Variants in JAM2 observed in about 807,000 individuals in gnomAD.
The protein encoded by JAM2 is junctional adhesion molecule B.
Under a neutral mutation model 42.0 loss-of-function variants are expected in JAM2, and 17 were observed. The ratio of observed to expected loss-of-function variants is 0.40; its 90% CI spans 0.28 to 0.61. JAM2 has a LOEUF of 0.61. Among genes scored for constraint, JAM2 ranks in the 20% least tolerant of loss-of-function variants. The pLI is 0.37. For synonymous variants in JAM2, 118 were observed against 128.6 expected (o/e 0.92, Z 0.56); for missense variants, 319 against 358.3 (o/e 0.89, Z 0.89).
intron 1 of JAM2, among the ~76,000 whole-genome samples, chr21:25,680,947 G>A (rs2033617430): frequency 1.3e-5 from 2 of 152,166 alleles, no homozygotes; most frequent in African/African-American, 4.8e-5. Flanking sequence ...AGAGTCACAT[G>A]TCATAGAGAG....
chr21:25,642,426 A>C (rs1255781356), intron 1 of JAM2, among the ~76,000 whole-genome samples: 1 of 152,128 alleles, frequency 6.6e-6, no homozygotes, highest in Non-Finnish European at 1.5e-5. Context: ...TGGATTTCTT[A>C]TGCTGTTATT....
At position 25,716,251 on chromosome 21, in the gene JAM2, C is replaced by T. The variant is rs2034479067; in HGVS notation, c.*1579C>T. ...CCTCAAATGATCCACCCCCATCAGC[C>T]TCCCAAAGTGCTGGGATTATAGGCA... is the stretch of plus-strand genomic sequence containing the variant. On this transcript the variant is annotated 3_prime_UTR_variant, in exon 10 of 10. Transcript: ENST00000480456. 6.6e-6 allele frequency: 1 copy of T among 152,338 alleles called. No individual in the cohort carries two copies. Among genetic ancestry groups the T allele is most frequent in the South Asian group, 2.1e-4 (1 of 4,826 alleles). The allele number at this position is 152,338 out of a possible 1,614,324, so 9.4% of individuals were successfully genotyped here. A position where few individuals can be genotyped will look rare whatever the true frequency, so the allele number is the denominator to read the frequency against.
At chr21:25,685,242 A>C (rs2033723808) in intron 2 of JAM2, among the ~76,000 whole-genome samples, 2 of 152,124 alleles carry the variant, frequency 1.3e-5, no homozygotes, top group Admixed American at 1.3e-4. Context: ...TTAAGTAAAA[A>C]TATGCTGTAG....
chr21:25,673,476 A>T (rs1261213689), intron 1 of JAM2, among the ~76,000 whole-genome samples: 3 of 152,240 alleles, frequency 2.0e-5, no homozygotes, highest in African/African-American at 7.2e-5. Flanking sequence ...TACACGGTTT[A>T]TTCAAATTAG....
intron 1 of JAM2, among the ~76,000 whole-genome samples, chr21:25,674,003 C>A (rs2033423433): frequency 6.6e-6 from 1 of 152,192 alleles, no homozygotes; most frequent in Non-Finnish European, 1.5e-5. Context: ...CTCTTGACTG[C>A]CGCCATGTAA....
chr21:25,660,422 A>G (rs1203856337), intron 1 of JAM2, among the ~76,000 whole-genome samples: 2 of 152,130 alleles, frequency 1.3e-5, no homozygotes, highest in Non-Finnish European at 2.9e-5. Context: ...ATCAACAGGA[A>G]GGGGATTACT....
chr21:25,666,214 T>TA (rs1017068275), intron 1 of JAM2, among the ~76,000 whole-genome samples: 19 of 152,090 alleles, frequency 1.2e-4, no homozygotes, highest in Non-Finnish European at 2.9e-5. Context: ...CAAATAATTT[T>TA]AAAAAATTGC....
chr21:25,667,670 G>A (rs1180636815), intron 1 of JAM2, among the ~76,000 whole-genome samples: 1 of 152,092 alleles, frequency 6.6e-6, no homozygotes, highest in Non-Finnish European at 1.5e-5. Context: ...TCATGAATTA[G>A]GGGGGACTAG....
At chr21:25,651,078 A>C (rs1449760935) in intron 1 of JAM2, among the ~76,000 whole-genome samples, 5 of 150,822 alleles carry the variant, frequency 3.3e-5, no homozygotes, top group East Asian at 1.9e-4. Context: ...AAAAAAAAAA[A>C]AAAAACAAAG....
intron 4 of JAM2, among the ~76,000 whole-genome samples, chr21:25,695,747 C>A (rs1225258502): frequency 6.6e-6 from 1 of 151,506 alleles, no homozygotes; most frequent in African/African-American, 2.4e-5. Context: ...CCTCACTTCT[C>A]AGACGGGGTG....
intron 1 of JAM2, among the ~76,000 whole-genome samples, chr21:25,640,318 G>T (rs2032396638): frequency 6.6e-6 from 1 of 152,208 alleles, no homozygotes; most frequent in Non-Finnish European, 1.5e-5. Flanking sequence ...AGGGGGCAGC[G>T]TCCGCGTGGT....
rs375918414 is a variant in JAM2 at position 25,712,420 on chromosome 21, T to C, written c.864+38T>C. The C allele has an allele frequency of 5.0e-6, 7 of 1,414,028 alleles. No homozygotes were observed. In the African/African-American group the frequency reaches 8.5e-5, roughly 17 times the overall value. 87.6% of individuals were successfully genotyped at this position (1,414,028 alleles called of 1,614,324 possible). ...AAAGCATATTTATAGAATGAATATG[T>C]TTGGGGAATAGGGCAGGGAAATGAA... On this transcript the variant is annotated intron_variant, in intron 9 of 9. Transcript: ENST00000480456.
rs1201453847 is a variant in JAM2 at position 25,693,744 on chromosome 21, T to C, written c.242-12T>C. The C allele has an allele frequency of 1.4e-5, 22 of 1,609,760 alleles. No homozygotes were observed. Among genetic ancestry groups the C allele is most frequent in the Non-Finnish European group, 1.7e-5 (20 of 1,176,202 alleles). ...GATTATTACTAACATCAATGTCTTC[T>C]TTTTCTAAAAGGTGATTTTAAAAAT... On this transcript the variant is annotated splice_polypyrimidine_tract_variant and intron_variant, in intron 3 of 9. Transcript: ENST00000480456.
Position 25,715,265 on chromosome 21 carries a change from A to C in JAM2, c.*593A>C, listed in dbSNP as rs1826634854. The C allele has an allele frequency of 6.6e-6, 1 of 152,238 alleles. No homozygotes were observed. The highest frequency in any genetic ancestry group is 2.4e-5 in the African/African-American group (1 of 41,446). 9.4% of individuals were successfully genotyped at this position (152,238 alleles called of 1,614,324 possible). A position where few individuals can be genotyped will look rare whatever the true frequency, so the allele number is the denominator to read the frequency against. ...GGGAACTAAAAGCAACATCAAAAGA[A>C]ATGCCTAATGGCTGGAGCCCACAGG... is the stretch of plus-strand genomic sequence containing the variant. On this transcript the variant is annotated 3_prime_UTR_variant, in exon 10 of 10. Coordinates refer to ENST00000480456, the MANE Select transcript of JAM2 (RefSeq NM_021219.4).
intron 2 of JAM2, among the ~76,000 whole-genome samples, chr21:25,687,098 T>A (rs889770133): frequency 1.3e-5 from 2 of 152,180 alleles, no homozygotes; most frequent in African/African-American, 4.8e-5. Context: ...TTGGAGTGAT[T>A]TATAGGTAAA....
chr21:25,699,295 G>T (rs2034108247), intron 5 of JAM2, among the ~76,000 whole-genome samples: 1 of 152,192 alleles, frequency 6.6e-6, no homozygotes, highest in Non-Finnish European at 1.5e-5. Flanking sequence ...ATTATTTGCT[G>T]CTGCAGTGAA....
intron 1 of JAM2, among the ~76,000 whole-genome samples, chr21:25,660,707 G>A (rs1480279205): frequency 7.6e-6 from 1 of 131,794 alleles, no homozygotes. Context: ...CTTTTGGACA[G>A]TCTTATCATA....
chr21:25,700,915 C>T (rs917802769), intron 5 of JAM2, among the ~76,000 whole-genome samples: 2 of 152,078 alleles, frequency 1.3e-5, no homozygotes, highest in African/African-American at 2.4e-5. Context: ...GCTATATTTA[C>T]TTTTCAAATT....
rs754969541 is a variant in JAM2, at chr21:25,709,398, C to A, written c.806-36C>A. On this transcript the variant is annotated intron_variant, in intron 7 of 9. Coordinates refer to ENST00000480456, the MANE Select transcript of JAM2 (RefSeq NM_021219.4). Reference sequence around the variant, plus strand: ...ATGAATCTGTATCATACCATAATAACCCTTGCATTAATGATATATACTTTT... The same window carrying A: ...ATGAATCTGTATCATACCATAATAAACCTTGCATTAATGATATATACTTTT... The A allele has an allele frequency of 4.4e-5, 51 of 1,163,662 alleles. No homozygotes were observed. In the East Asian group the frequency reaches 1.1e-3, roughly 25 times the overall value. The allele number at this position is 1,163,662 out of a possible 1,614,324, so 72.1% of individuals were successfully genotyped here. A position where few individuals can be genotyped will look rare whatever the true frequency, so the allele number is the denominator to read the frequency against.
Sources: allele counts gnomAD v4.1 joint callset (sites outside exome capture counted in the v4.1 genomes callset), GRCh38; gene constraint gnomAD v4.1.1; transcripts MANE v1.5; gene names NCBI Gene and HGNC (gene_info 2026-07-23, HGNC 2026-07-21).